CNTNAP5: variants seen among roughly 807,000 people sequenced by gnomAD.
CNTNAP5 encodes the protein contactin associated protein family member 5.
CNTNAP5 carries 72 observed loss-of-function variants against 150.2 expected under a neutral mutation model. The observed-to-expected ratio is 0.48, with a 90% CI of 0.40 to 0.58. CNTNAP5 has a LOEUF of 0.58. CNTNAP5 is among the 20% of genes least tolerant of loss of function. CNTNAP5 has a pLI of 0.00. For synonymous variants in CNTNAP5, 672 were observed against 619.8 expected (o/e 1.08, Z -1.25); for missense variants, 1,636 against 1,626.2 (o/e 1.01, Z -0.10).
intron 1 of CNTNAP5, among the ~76,000 whole-genome samples, chr2:124,120,643 C>T (rs539306791): frequency 1.3e-5 from 2 of 152,262 alleles, no homozygotes; most frequent in African/African-American, 2.4e-5. Context: ...AAGGACAGAA[C>T]CTCGACTGCA....
chr2:124,910,810 T>C (rs529325986), intron 22 of CNTNAP5, among the ~76,000 whole-genome samples: 1 of 152,032 alleles, frequency 6.6e-6, no homozygotes, highest in East Asian at 2.0e-4. Context: ...GTCCTGAAAA[T>C]TTAGCATGCA....
chr2:124,409,199 C>G (rs1346201883), intron 3 of CNTNAP5, among the ~76,000 whole-genome samples: 2 of 129,040 alleles, frequency 1.5e-5, no homozygotes, highest in Admixed American at 1.7e-4. Context: ...AAGAAATGAG[C>G]AAAGCCTCCA....
Position 124,524,492 on chromosome 2 carries a change from AG to A in CNTNAP5, c.1477+43del, listed in dbSNP as rs1041042896. 12 of 1,560,246 alleles carry A rather than the reference AG, an allele frequency of 7.7e-6. No homozygotes were observed. The African/African-American group carries it at 1.6e-4, about 21-fold the overall frequency. On this transcript the variant is annotated intron_variant, in intron 9 of 23. Coordinates refer to ENST00000682447, the MANE Select transcript of CNTNAP5 (RefSeq NM_001367498.1). ...CTTTAAGAGGGAAAATTAAGAAGGG[AG>A]GGAAATTTAAGTGGGCAATTATTTC... is the stretch of plus-strand genomic sequence containing the variant.
At chr2:124,684,954 C>T (rs80231929) in intron 13 of CNTNAP5, among the ~76,000 whole-genome samples, 3,460 of 152,184 alleles carry the variant, frequency 0.023, 122 homozygotes, top group African/African-American at 0.079. Flanking sequence ...TTTTAATCAC[C>T]AGGCCTTCCT....
chr2:124,385,967 A>G (rs577755056), intron 3 of CNTNAP5, among the ~76,000 whole-genome samples: 1 of 151,640 alleles, frequency 6.6e-6, no homozygotes, highest in Non-Finnish European at 1.5e-5. Context: ...ATGTATCTCC[A>G]TAATGTTGAG....
At chr2:124,890,661 C>T (rs1422552924) in intron 21 of CNTNAP5, among the ~76,000 whole-genome samples, 1 of 152,078 alleles carries the variant, frequency 6.6e-6, no homozygotes, top group Non-Finnish European at 1.5e-5. Flanking sequence ...TATGTTTATT[C>T]CACTATGTGA....
chr2:124,106,671 T>C (rs1166252046), intron 1 of CNTNAP5, among the ~76,000 whole-genome samples: 1 of 152,184 alleles, frequency 6.6e-6, no homozygotes, highest in African/African-American at 2.4e-5. Flanking sequence ...CATAAATCAG[T>C]TACATTAAGT....
intron 7 of CNTNAP5, among the ~76,000 whole-genome samples, chr2:124,475,505 A>G (rs1237803150): frequency 1.3e-5 from 2 of 152,226 alleles, no homozygotes; most frequent in Non-Finnish European, 2.9e-5. Context: ...GTTTCCAACA[A>G]TAATTTTGGA....
chr2:124,278,100 T>A (rs1282954168), intron 3 of CNTNAP5, among the ~76,000 whole-genome samples: 2 of 152,102 alleles, frequency 1.3e-5, no homozygotes, highest in African/African-American at 4.8e-5. Context: ...GATGGCAGAT[T>A]TCACAAATAC....
chr2:124,410,926 T>G (rs2104769369), intron 3 of CNTNAP5, among the ~76,000 whole-genome samples: 1 of 151,896 alleles, frequency 6.6e-6, no homozygotes, highest in South Asian at 2.1e-4. Context: ...CTTCAAAAAA[T>G]TAATGAATCC....
At chr2:124,064,199 A>T (rs1366655295) in intron 1 of CNTNAP5, among the ~76,000 whole-genome samples, 2 of 152,158 alleles carry the variant, frequency 1.3e-5, no homozygotes, top group Non-Finnish European at 2.9e-5. Context: ...AGTGCATCTG[A>T]ATCAGGATTT....
intron 3 of CNTNAP5, among the ~76,000 whole-genome samples, chr2:124,354,002 CAAAA>C (rs1558863945): frequency 6.6e-6 from 1 of 151,924 alleles, no homozygotes; most frequent in Admixed American, 6.6e-5. Context: ...ACTTCCTGAG[CAAAA>C]ATAATGAACC....
intron 13 of CNTNAP5, among the ~76,000 whole-genome samples, chr2:124,689,192 T>G (rs1207350664): frequency 6.6e-6 from 1 of 152,150 alleles, no homozygotes; most frequent in African/African-American, 2.4e-5. Context: ...TGTCAATTCC[T>G]GGGGATTCAG....
At chr2:124,645,534 C>T (rs1297426696) in intron 12 of CNTNAP5, among the ~76,000 whole-genome samples, 3 of 151,528 alleles carry the variant, frequency 2.0e-5, no homozygotes, top group Non-Finnish European at 4.4e-5. Flanking sequence ...TGCCACTGTC[C>T]TCCAGCCTGG....
intron 13 of CNTNAP5, among the ~76,000 whole-genome samples, chr2:124,718,041 A>G (rs1007012593): frequency 5.9e-5 from 9 of 152,306 alleles, no homozygotes; most frequent in Admixed American, 5.9e-4. Context: ...AGATGCTATT[A>G]TACTCTACCC....
chr2:124,161,277 G>A (rs575162985), intron 1 of CNTNAP5, among the ~76,000 whole-genome samples: 1 of 152,244 alleles, frequency 6.6e-6, no homozygotes, highest in South Asian at 2.1e-4. Context: ...GAGCTGAGAC[G>A]AAAACTTGGT....
At chr2:124,519,847 C>A (rs1694813497) in intron 8 of CNTNAP5, among the ~76,000 whole-genome samples, 1 of 152,190 alleles carries the variant, frequency 6.6e-6, no homozygotes, top group Admixed American at 6.5e-5. Context: ...AAGCGCAGGG[C>A]AGCCTATTTA....
chr2:124,482,871 T>C (rs563346450), intron 7 of CNTNAP5, among the ~76,000 whole-genome samples: 5 of 152,334 alleles, frequency 3.3e-5, no homozygotes, highest in South Asian at 2.1e-4. Flanking sequence ...GTGACTCTTG[T>C]ACTCCTTCAA....
chr2:124,882,851 A>G (rs1372672569), intron 21 of CNTNAP5, among the ~76,000 whole-genome samples: 2 of 151,998 alleles, frequency 1.3e-5, no homozygotes, highest in African/African-American at 4.8e-5. Flanking sequence ...CACATCTTAC[A>G]TGGAGGCAGG....
Sources: allele counts gnomAD v4.1 joint callset (sites outside exome capture counted in the v4.1 genomes callset), GRCh38; gene constraint gnomAD v4.1.1; transcripts MANE v1.5; gene names NCBI Gene and HGNC (gene_info 2026-07-23, HGNC 2026-07-21).